ST8SIA5: variants seen among roughly 807,000 people sequenced by gnomAD.
The protein encoded by ST8SIA5 is alpha-2,8-sialyltransferase 8E.
A neutral mutation model predicts 40.2 loss-of-function variants in ST8SIA5; 24 were observed. The observed-to-expected ratio is 0.60, with a 90% CI of 0.43 to 0.84. The LOEUF is 0.84. Among genes scored for constraint, ST8SIA5 ranks in the 40% least tolerant of loss-of-function variants. The probability of loss-of-function intolerance (pLI) is 0.00; values close to 1 mark genes in which losing one functional copy is unlikely to be tolerated. For missense variants in ST8SIA5, 465 were observed against 498.5 expected (o/e 0.93, Z 0.64); for synonymous variants, 198 against 201.8 (o/e 0.98, Z 0.16).
At chr18:46,744,419 G>T (rs520881) in intron 1 of ST8SIA5, among the ~76,000 whole-genome samples, 109,672 of 151,880 alleles carry the variant, frequency 0.72, 40,091 homozygotes, top group Middle Eastern at 0.8. Context: ...GCAATCCTAG[G>T]CTCTGATAAA....
chr18:46,696,129 G>C (rs1451340669), intron 2 of ST8SIA5, among the ~76,000 whole-genome samples: 1 of 152,194 alleles, frequency 6.6e-6, no homozygotes, highest in Admixed American at 6.5e-5. Flanking sequence ...TCTGGGAAAA[G>C]TGTATTCCGG....
chr18:46,745,863 C>G (rs184680148), intron 1 of ST8SIA5, among the ~76,000 whole-genome samples: 1 of 152,212 alleles, frequency 6.6e-6, no homozygotes, highest in Non-Finnish European at 1.5e-5. Context: ...AAAAGCTTAT[C>G]CACCACGATC....
intron 2 of ST8SIA5, among the ~76,000 whole-genome samples, chr18:46,699,376 C>CTCTTTTTTTT (rs1185910099): frequency 1.3e-5 from 2 of 151,930 alleles, no homozygotes; most frequent in African/African-American, 4.8e-5. Flanking sequence ...TTCTTTCTCC[C>CTCTTTTTTTT]TCTTTTTTTT....
At chr18:46,751,899 A>G (rs1444558415) in intron 1 of ST8SIA5, among the ~76,000 whole-genome samples, 1 of 152,122 alleles carries the variant, frequency 6.6e-6, no homozygotes, top group East Asian at 1.9e-4. Flanking sequence ...CCAAATCTAC[A>G]TTACTAGTCT....
intron 1 of ST8SIA5, among the ~76,000 whole-genome samples, chr18:46,715,501 C>T (rs2039778902): frequency 6.6e-6 from 1 of 151,414 alleles, no homozygotes; most frequent in Non-Finnish European, 1.5e-5. Flanking sequence ...TAAAGATCAT[C>T]TTGTCTGAGA....
Position 46,742,906 on chromosome 18 carries a change from G to A in ST8SIA5, c.131+13472C>T, listed in dbSNP as rs146899206. Among the ~76,000 whole-genome samples the A allele has an allele frequency of 4.0e-3, 613 of 152,322 alleles. 2 individuals are homozygous for A. Among genetic ancestry groups the A allele is most frequent in the African/African-American group, 0.014 (564 of 41,564 alleles). ...CAATATTTGCTGTTCTGCAGCCTCC[G>A]CTGGTGATACCCAGGCAAACAGGGT... On this transcript the variant is annotated intron_variant, in intron 1 of 6. Coordinates refer to ENST00000315087, the MANE Select transcript of ST8SIA5 (RefSeq NM_013305.6).
At chr18:46,688,039 T>C (rs2144472585) in intron 4 of ST8SIA5, among the ~76,000 whole-genome samples, 1 of 152,306 alleles carries the variant, frequency 6.6e-6, no homozygotes, top group African/African-American at 2.4e-5. Flanking sequence ...TCAGCATCAG[T>C]GATCTGAACA....
chr18:46,736,375 G>T (rs1282920324), intron 1 of ST8SIA5, among the ~76,000 whole-genome samples: 2 of 152,162 alleles, frequency 1.3e-5, no homozygotes, highest in Non-Finnish European at 2.9e-5. Context: ...GCCTGAGATT[G>T]GACCTGCAGA....
intron 2 of ST8SIA5, among the ~76,000 whole-genome samples, chr18:46,694,168 T>C (rs940835015): frequency 2.0e-5 from 3 of 152,188 alleles, no homozygotes; most frequent in Non-Finnish European, 2.9e-5. Flanking sequence ...AGACACATTA[T>C]ACAATTGGGC....
chr18:46,684,096 TG>T (rs1191788743), intron 5 of ST8SIA5, among the ~76,000 whole-genome samples: 1 of 152,120 alleles, frequency 6.6e-6, no homozygotes, highest in African/African-American at 2.4e-5. Flanking sequence ...ATGATGACGA[TG>T]AGGATGGAAG....
At chr18:46,701,021 G>A (rs771627130) in intron 2 of ST8SIA5, among the ~76,000 whole-genome samples, 1 of 151,734 alleles carries the variant, frequency 6.6e-6, no homozygotes, top group Non-Finnish European at 1.5e-5. Flanking sequence ...GGCCCTAAAT[G>A]GAAGCTGTGA....
chr18:46,670,645 T>C lies in ST8SIA5; in HGVS notation c.*9397A>G, dbSNP rs1033346208. 22 of 152,224 alleles carry C rather than the reference T, an allele frequency of 1.4e-4. No homozygotes were observed. The highest frequency in any genetic ancestry group is 1.4e-3 in the Admixed American group (22 of 15,296). The allele number at this position is 152,224 out of a possible 1,614,324, so 9.4% of individuals were successfully genotyped here. The stretch of plus-strand genomic sequence containing the variant: ...ACAGGGTTTTGCCATGTTGCCCAGG[T>C]TGGTCGTCAACTCTTGAGCTCAAGC... On this transcript the variant is annotated 3_prime_UTR_variant, in exon 7 of 7. Coordinates refer to ENST00000315087, the MANE Select transcript of ST8SIA5 (RefSeq NM_013305.6).
chr18:46,718,888 G>C (rs1261433409), intron 1 of ST8SIA5, among the ~76,000 whole-genome samples: 1 of 152,026 alleles, frequency 6.6e-6, no homozygotes, highest in East Asian at 1.9e-4. Context: ...GTCCTCGTTA[G>C]GTCCTCCCCC....
chr18:46,693,436 A>T (rs2039527044), intron 2 of ST8SIA5, among the ~76,000 whole-genome samples: 1 of 151,990 alleles, frequency 6.6e-6, no homozygotes, highest in African/African-American at 2.4e-5. Flanking sequence ...CTCCCTGAAA[A>T]ACCCTCGGCC....
chr18:46,731,712 G>A (rs995737777), intron 1 of ST8SIA5: 1 of 152,318 alleles, frequency 6.6e-6, no homozygotes, highest in Admixed American at 6.5e-5. Flanking sequence ...GGCCAGGGGA[G>A]GGCCCTGCTC....
chr18:46,671,586 A>C lies in ST8SIA5; in HGVS notation c.*8456T>G, dbSNP rs578017319. 1 of 152,322 alleles carries C rather than the reference A, an allele frequency of 6.6e-6. No individual in the cohort carries two copies. The highest frequency in any genetic ancestry group is 1.5e-5 in the Non-Finnish European group (1 of 68,122). 9.4% of individuals were successfully genotyped at this position (152,322 alleles called of 1,614,324 possible). On this transcript the variant is annotated 3_prime_UTR_variant, in exon 7 of 7. Coordinates refer to ENST00000315087, the MANE Select transcript of ST8SIA5 (RefSeq NM_013305.6). ...CACAAGGTGACCCTCACCCAGGCACAGGCTGAACCTATTGCTGCAGATCCA... is the reference window on the plus strand; with the variant it reads ...CACAAGGTGACCCTCACCCAGGCACCGGCTGAACCTATTGCTGCAGATCCA...
chr18:46,749,957 C>T (rs1011301078), intron 1 of ST8SIA5, among the ~76,000 whole-genome samples: 1 of 152,164 alleles, frequency 6.6e-6, no homozygotes, highest in East Asian at 1.9e-4. Flanking sequence ...AAGTCTACAA[C>T]CTGCAGGAGG....
chr18:46,742,809 T>C (rs568791885), intron 1 of ST8SIA5, among the ~76,000 whole-genome samples: 1 of 152,218 alleles, frequency 6.6e-6, no homozygotes, highest in East Asian at 1.9e-4. Context: ...CACCTCCCAG[T>C]AGGGACTGAC....
chr18:46,694,432 G>A (rs561725026), intron 2 of ST8SIA5, among the ~76,000 whole-genome samples: 7 of 152,228 alleles, frequency 4.6e-5, no homozygotes, highest in East Asian at 1.9e-4. Flanking sequence ...GTAAAACTGC[G>A]AAATGCAGAC....
Sources: allele counts gnomAD v4.1 joint callset (sites outside exome capture counted in the v4.1 genomes callset), GRCh38; gene constraint gnomAD v4.1.1; transcripts MANE v1.5; gene names NCBI Gene and HGNC (gene_info 2026-07-23, HGNC 2026-07-21).